Variants in AGBL4 observed in about 807,000 individuals in gnomAD.
AGBL4 encodes the protein cytosolic carboxypeptidase 6.
A neutral mutation model predicts 66.4 loss-of-function variants in AGBL4; 58 were observed. The ratio of observed to expected loss-of-function variants is 0.87; its 90% CI spans 0.71 to 1.09. The LOEUF is 1.09. Among genes scored for constraint, AGBL4 ranks in the 50% least tolerant of loss-of-function variants. The probability of loss-of-function intolerance (pLI) is 0.00; values close to 1 mark genes in which losing one functional copy is unlikely to be tolerated. For synonymous variants in AGBL4, 234 were observed against 222.9 expected, an observed-to-expected ratio of 1.05 and a Z score of -0.44; for missense variants, 579 against 631.0, an observed-to-expected ratio of 0.92 and a Z score of 0.88.
In AGBL4 at chr1:49,382,778, T is replaced by C. The variant is rs140249482; in HGVS notation, c.283-136914A>G. 3.0e-4 allele frequency among the ~76,000 whole-genome samples: 45 copies of C among 152,254 alleles called. No homozygotes were observed. In the East Asian group the frequency reaches 8.3e-3, roughly 28 times the overall value. On this transcript the variant is annotated intron_variant, in intron 3 of 13. Coordinates refer to ENST00000371839, the MANE Select transcript of AGBL4 (RefSeq NM_032785.4). Reference sequence around the variant, plus strand: ...ATGTAAAGACCTTAAGAGTTTCCAATTAAAAACCTTTTAGAGGTAATAAAA... The same window carrying C: ...ATGTAAAGACCTTAAGAGTTTCCAACTAAAAACCTTTTAGAGGTAATAAAA...
chr1:49,993,890 G>C (rs1446424043), intron 1 of AGBL4, among the ~76,000 whole-genome samples: 1 of 152,116 alleles, frequency 6.6e-6, no homozygotes, highest in Non-Finnish European at 1.5e-5. Context: ...TACTATCACT[G>C]TACAATTTAG....
At chr1:49,173,975 T>C (rs1007649528) in intron 4 of AGBL4, among the ~76,000 whole-genome samples, 13 of 152,124 alleles carry the variant, frequency 8.5e-5, no homozygotes, top group Non-Finnish European at 1.6e-4. Context: ...TTTGTCAACA[T>C]TGGAAATAAT....
chr1:49,820,722 T>C lies in AGBL4; in HGVS notation c.157+30674A>G, dbSNP rs188160269. ...ATTAGCTTGTACTTCAACTTGGAAA[T>C]GCTCTAGTTGCTAATAATGAGCCAG... On this transcript the variant is annotated intron_variant, in intron 2 of 13. Coordinates refer to ENST00000371839, the MANE Select transcript of AGBL4 (RefSeq NM_032785.4). Among the ~76,000 whole-genome samples the C allele has an allele frequency of 2.0e-5, 3 of 152,274 alleles. No individual in the cohort carries two copies. In the East Asian group the frequency reaches 5.8e-4, roughly 29 times the overall value.
intron 3 of AGBL4, among the ~76,000 whole-genome samples, chr1:49,358,371 C>G (rs970978854): frequency 6.6e-6 from 1 of 151,622 alleles, no homozygotes; most frequent in Admixed American, 6.6e-5. Context: ...GGTACACTCT[C>G]GTGTAGGCAT....
intron 6 of AGBL4, among the ~76,000 whole-genome samples, chr1:48,834,269 T>G (rs1004847805): frequency 6.6e-6 from 1 of 152,192 alleles, no homozygotes; most frequent in Non-Finnish European, 1.5e-5. Flanking sequence ...AGATGATATT[T>G]AAGTGAGACT....
intron 11 of AGBL4, among the ~76,000 whole-genome samples, chr1:48,567,119 G>A (rs928950150): frequency 6.6e-6 from 1 of 152,138 alleles, no homozygotes; most frequent in Non-Finnish European, 1.5e-5. Flanking sequence ...TTACCTCATT[G>A]AGCCTTTGTT....
At chr1:49,319,520 C>T (rs1013511535) in intron 3 of AGBL4, among the ~76,000 whole-genome samples, 5 of 152,136 alleles carry the variant, frequency 3.3e-5, no homozygotes, top group African/African-American at 1.2e-4. Flanking sequence ...ATGCTACCTC[C>T]TAGTTCAAGA....
intron 1 of AGBL4, among the ~76,000 whole-genome samples, chr1:49,945,383 T>G (rs1027566144): frequency 6.6e-6 from 1 of 152,186 alleles, no homozygotes; most frequent in East Asian, 1.9e-4. Flanking sequence ...AGAAACCCTA[T>G]AAGCTAGAGG....
intron 2 of AGBL4, among the ~76,000 whole-genome samples, chr1:49,756,186 C>T (rs770775555): frequency 6.6e-6 from 1 of 151,956 alleles, no homozygotes; most frequent in Non-Finnish European, 1.5e-5. Context: ...CAGGTCAGCA[C>T]CCTCATAATT....
At chr1:49,262,904 C>T (rs1653346085) in intron 3 of AGBL4, among the ~76,000 whole-genome samples, 1 of 152,090 alleles carries the variant, frequency 6.6e-6, no homozygotes, top group African/African-American at 2.4e-5. Flanking sequence ...TGGAAGCAAC[C>T]CAAATGTCCA....
At chr1:48,578,185 C>T (rs887181812) in intron 11 of AGBL4, among the ~76,000 whole-genome samples, 3 of 152,136 alleles carry the variant, frequency 2.0e-5, no homozygotes, top group South Asian at 4.2e-4. Context: ...AAGCAGGGAA[C>T]AGACCTCCTC....
At chr1:48,882,807 GCT>G (rs1649921931) in intron 5 of AGBL4, among the ~76,000 whole-genome samples, 1 of 152,004 alleles carries the variant, frequency 6.6e-6, no homozygotes, top group Non-Finnish European at 1.5e-5. Context: ...CTACTGTTCT[GCT>G]CTCTGTTTCT....
chr1:49,803,423 A>G (rs1209803333), intron 2 of AGBL4, among the ~76,000 whole-genome samples: 1 of 152,222 alleles, frequency 6.6e-6, no homozygotes, highest in Admixed American at 6.5e-5. Flanking sequence ...TTAGAATATG[A>G]AAATCCCATA....
chr1:49,908,225 A>T (rs1650464895), intron 1 of AGBL4, among the ~76,000 whole-genome samples: 1 of 151,846 alleles, frequency 6.6e-6, no homozygotes, highest in Admixed American at 6.6e-5. Flanking sequence ...GCTTTTTTTA[A>T]TTAGCCAGGT....
intron 3 of AGBL4, among the ~76,000 whole-genome samples, chr1:49,547,431 T>C (rs1185896572): frequency 1.3e-5 from 2 of 152,206 alleles, no homozygotes; most frequent in African/African-American, 4.8e-5. Context: ...TGAAATCAGG[T>C]AGTGTGATGC....
intron 3 of AGBL4, among the ~76,000 whole-genome samples, chr1:49,495,271 T>C (rs542854705): frequency 6.6e-6 from 1 of 152,264 alleles, no homozygotes; most frequent in South Asian, 2.1e-4. Context: ...GTCCAACCTG[T>C]GGCCCGTGGG....
intron 5 of AGBL4, among the ~76,000 whole-genome samples, chr1:49,023,886 A>G (rs1335659663): frequency 6.6e-6 from 1 of 152,158 alleles, no homozygotes; most frequent in Non-Finnish European, 1.5e-5. Context: ...TGATTTTTCA[A>G]TGGCATCAGG....
chr1:48,615,450 G>A (rs1316530124), intron 9 of AGBL4, among the ~76,000 whole-genome samples: 3 of 152,178 alleles, frequency 2.0e-5, no homozygotes, highest in Non-Finnish European at 4.4e-5. Flanking sequence ...AGCTACAGGG[G>A]AAACACCAGA....
At chr1:49,379,561 C>G (rs1001825879) in intron 3 of AGBL4, among the ~76,000 whole-genome samples, 4 of 152,050 alleles carry the variant, frequency 2.6e-5, no homozygotes, top group African/African-American at 9.7e-5. Flanking sequence ...CCATCAATAC[C>G]TAATTTATTG....
Sources: gnomAD v4.1 joint callset for allele counts (sites outside exome capture counted in the v4.1 genomes callset) on GRCh38, gnomAD v4.1.1 for gene constraint, MANE v1.5 for transcripts, NCBI Gene and HGNC (gene_info 2026-07-23, HGNC 2026-07-21) for gene names.